The following GLI2 variants were observed in gnomAD, a reference collection of about 807,000 sequenced individuals.
GLI2 encodes GLI family zinc finger 2, also known as transcription activator GLI2.
Under a neutral mutation model 78.9 loss-of-function variants are expected in GLI2, and 22 were observed. The observed-to-expected ratio is 0.28, with a 90% CI of 0.20 to 0.40. GLI2 has a LOEUF of 0.40. Among genes scored for constraint, GLI2 ranks in the 10% least tolerant of loss-of-function variants. GLI2 has a pLI of 1.00. For missense variants in GLI2, 2,097 were observed against 2,213.2 expected, an observed-to-expected ratio of 0.95 and a Z score of 1.05; for synonymous variants, 974 against 963.7, an observed-to-expected ratio of 1.01 and a Z score of -0.20.
Position 120,988,427 on chromosome 2 carries a change from C to A in GLI2, c.2462C>A (p.Ala821Asp). 6.3e-7 allele frequency: 1 copy of A among 1,575,914 alleles called. No individual in the cohort carries two copies. The highest frequency in any genetic ancestry group is 2.3e-5 in the East Asian group (1 of 42,780). ...PYFSSRRSSE[A>D]SPLGAGRPHN... ...TTCTCCAGCCGCCGCTCCAGCGAGG[C>A]CTCGCCCCTGGGCGCCGGCCGCCCG... Residue 821 changes from alanine (A) to aspartate (D), a missense_variant, in exon 14 of 14, where the codon GCC becomes GAC. Transcript: ENST00000361492.
chr2:120,933,703 G>T (rs866152482), intron 3 of GLI2, among the ~76,000 whole-genome samples: 9 of 152,200 alleles, frequency 5.9e-5, no homozygotes, highest in Admixed American at 4.6e-4. Context: ...AGTGTATGTG[G>T]TCACACAAGC....
intron 2 of GLI2, among the ~76,000 whole-genome samples, chr2:120,837,271 G>A (rs915549909): frequency 1.3e-5 from 2 of 151,902 alleles, no homozygotes; most frequent in Non-Finnish European, 2.9e-5. Flanking sequence ...GCGGGCGCCT[G>A]TAGTCCCAGC....
chr2:120,988,203 C>T lies in GLI2; in HGVS notation c.2243-5C>T. 1 of 1,586,378 alleles carries T rather than the reference C, an allele frequency of 6.3e-7. No homozygotes were observed. The highest frequency in any genetic ancestry group is 8.5e-7 in the Non-Finnish European group (1 of 1,169,772). On this transcript the variant is annotated splice_polypyrimidine_tract_variant and splice_region_variant and intron_variant, in intron 13 of 13. Transcript: ENST00000361492. ...CCCGGTGCTGACCCCTCTGCTCTCCCGCAGGCTCCATCCTGGAAAACTTCA... is the reference window on the plus strand; with the variant it reads ...CCCGGTGCTGACCCCTCTGCTCTCCTGCAGGCTCCATCCTGGAAAACTTCA...
intron 2 of GLI2, among the ~76,000 whole-genome samples, chr2:120,815,193 C>T (rs976025286): frequency 2.0e-5 from 3 of 152,130 alleles, no homozygotes; most frequent in Non-Finnish European, 4.4e-5. Context: ...AGATAAGTAA[C>T]GGCAGTTTTC....
intron 11 of GLI2, among the ~76,000 whole-genome samples, chr2:120,983,880 AGT>A (rs1483535402): frequency 6.6e-6 from 1 of 150,950 alleles, no homozygotes; most frequent in African/African-American, 2.4e-5. Flanking sequence ...CTTAGAGGGG[AGT>A]GTGTGTGCAC....
rs778880428 is a variant in GLI2, at chr2:120,988,696, C to T, written c.2731C>T (p.Pro911Ser). 7 of 1,254,258 alleles carry T rather than the reference C, an allele frequency of 5.6e-6. No individual in the cohort carries two copies. Among genetic ancestry groups the T allele is most frequent in the African/African-American group, 1.6e-5 (1 of 61,874 alleles). The allele number at this position is 1,254,258 out of a possible 1,614,324, so 77.7% of individuals were successfully genotyped here. The change falls in exon 14 of 14, where the codon CCC (proline) becomes TCC (serine). Residue 911 changes from proline to serine, a missense_variant. By Grantham distance (74) the Pro-to-Ser change is moderately conservative (BLOSUM62 -1). Around this residue, in one of 5 missense-constraint regions of GLI2, gnomAD observed 1,290 missense variants for 1,261.7 expected, o/e 1.02. Transcript: ENST00000361492. ...GCTGGACGCGCCCGAGCGCACGCTG[C>T]CCGCCGGCTGCCCACGCCCACTGGG... ...ALLDAPERTL[P>S]AGCPRPLGPR...
intron 2 of GLI2, among the ~76,000 whole-genome samples, chr2:120,895,873 G>C (rs114659888): frequency 0.012 from 1,768 of 152,304 alleles, 28 homozygotes; most frequent in African/African-American, 0.039. Context: ...TGAGCCCACT[G>C]TGGTTGCTAT....
intron 5 of GLI2, among the ~76,000 whole-genome samples, chr2:120,959,321 G>A (rs1427616221): frequency 6.6e-6 from 1 of 152,196 alleles, no homozygotes; most frequent in Non-Finnish European, 1.5e-5. Flanking sequence ...TCCACCTGAG[G>A]AGGGATATCA....
In GLI2 at chr2:120,942,823, CGCCCTCACTCATTCATTCAT is replaced by C. The variant is rs1558901189; in HGVS notation, c.255-8419_255-8400del. ...ATTCATTCATTCACTCATTCGTTCA[CGCCCTCACTCATTCATTCAT>C]TCATTCGTTCACGCCCTCTTTCATT... is the stretch of plus-strand genomic sequence containing the variant. On this transcript the variant is annotated intron_variant, in intron 3 of 13. Transcript: ENST00000361492. Among the ~76,000 whole-genome samples, 1,504 of 150,820 alleles carry C rather than the reference CGCCCTCACTCATTCATTCAT, an allele frequency of 1.0e-2. 28 individuals are homozygous for C. Among genetic ancestry groups the C allele is most frequent in the African/African-American group, 0.036 (1,437 of 40,336 alleles).
chr2:120,925,663 A>G (rs1679625937), intron 2 of GLI2, among the ~76,000 whole-genome samples: 1 of 152,234 alleles, frequency 6.6e-6, no homozygotes, highest in Non-Finnish European at 1.5e-5. Flanking sequence ...GCTGGGGGAG[A>G]GTAATGGGAG....
intron 3 of GLI2, among the ~76,000 whole-genome samples, chr2:120,947,932 G>A (rs1207829561): frequency 6.6e-6 from 1 of 152,222 alleles, no homozygotes; most frequent in Admixed American, 6.5e-5. Context: ...GAAGAGCAAG[G>A]GTTGCTCCGT....
In GLI2 at chr2:120,951,273, C is replaced by T; in HGVS notation, c.285C>T (p.Ile95=). Residue 95 remains isoleucine (I), a synonymous_variant, in exon 4 of 14, where the codon ATC becomes ATT. Transcript: ENST00000361492. ...CTGCCCTCAGCGGCAGCCCTGTCATCTCTGACATCTCCTTGATCCGGCTTT... is the reference window on the plus strand; with the variant it reads ...CTGCCCTCAGCGGCAGCCCTGTCATTTCTGACATCTCCTTGATCCGGCTTT... The part of the protein sequence containing the change: ...GPPALSGSPV[I]SDISLIRLSP... The T allele has an allele frequency of 6.2e-7, 1 of 1,612,324 alleles. No individual in the cohort carries two copies. Among genetic ancestry groups the T allele is most frequent in the Non-Finnish European group, 8.5e-7 (1 of 1,178,574 alleles).
At chr2:120,747,006 T>C (rs1159015240) in intron 1 of GLI2, among the ~76,000 whole-genome samples, 2 of 152,238 alleles carry the variant, frequency 1.3e-5, no homozygotes, top group Admixed American at 6.5e-5. Flanking sequence ...CCTTATACCA[T>C]TGGGCATTTA....
intron 10 of GLI2, 46 bp downstream of exon 10, chr2:120,978,629 T>C: frequency 1.2e-6 from 2 of 1,603,226 alleles, no homozygotes; most frequent in South Asian, 1.1e-5. Context: ...AAGACTGGCC[T>C]GTCAGCCAGG....
At chr2:120,799,224 C>T (rs947558770) in intron 2 of GLI2, among the ~76,000 whole-genome samples, 9 of 152,176 alleles carry the variant, frequency 5.9e-5, no homozygotes, top group Non-Finnish European at 8.8e-5. Flanking sequence ...AGTACAGCAC[C>T]TCCACAAAGG....
intron 1 of GLI2, among the ~76,000 whole-genome samples, chr2:120,785,853 G>C (rs980951609): frequency 6.6e-6 from 1 of 152,216 alleles, no homozygotes; most frequent in African/African-American, 2.4e-5. Flanking sequence ...CTGGGATAGC[G>C]ATGTGGTTAA....
At chr2:120,840,161 C>T (rs918906844) in intron 2 of GLI2, among the ~76,000 whole-genome samples, 4 of 152,188 alleles carry the variant, frequency 2.6e-5, no homozygotes, top group Non-Finnish European at 4.4e-5. Flanking sequence ...AATTTGAAGC[C>T]TTAGGATCCA....
chr2:120,781,819 G>A (rs993703709), intron 1 of GLI2, among the ~76,000 whole-genome samples: 1 of 151,784 alleles, frequency 6.6e-6, no homozygotes, highest in Non-Finnish European at 1.5e-5. Context: ...GGAGGCAGAG[G>A]TTGTAGTGAG....
intron 2 of GLI2, among the ~76,000 whole-genome samples, chr2:120,858,838 C>T (rs967234698): frequency 1.3e-5 from 2 of 152,198 alleles, no homozygotes; most frequent in African/African-American, 4.8e-5. Flanking sequence ...CCATTTATTA[C>T]CTATTAAATA....
Sources: allele counts gnomAD v4.1 joint callset (sites outside exome capture counted in the v4.1 genomes callset), GRCh38; gene constraint gnomAD v4.1.1; regional missense constraint gnomAD v4.1.1; transcripts MANE v1.5; gene names NCBI Gene and HGNC (gene_info 2026-07-23, HGNC 2026-07-21).